UNC13A: variants seen among roughly 807,000 people sequenced by gnomAD.
UNC13A encodes the protein protein unc-13 homolog A.
Under a neutral mutation model 219.7 loss-of-function variants are expected in UNC13A, and 61 were observed. The observed-to-expected ratio is 0.28, with a 90% confidence interval of 0.23 to 0.34. The LOEUF (loss-of-function observed/expected upper bound fraction) is 0.34, where lower values mean the gene tolerates loss of function less well. UNC13A is among the 10% of genes least tolerant of loss of function. The pLI, the probability that UNC13A is intolerant of heterozygous loss-of-function variation, is 1.00. For missense variants in UNC13A, 1,476 were observed against 2,270.3 expected, an observed-to-expected ratio of 0.65 and a Z score of 7.11; for synonymous variants, 920 against 884.6, an observed-to-expected ratio of 1.04 and a Z score of -0.71.
chr19:17,651,425 CA>C (rs1802574138), intron 12 of UNC13A, among the ~76,000 whole-genome samples: 1 of 152,040 alleles, frequency 6.6e-6, no homozygotes, highest in Non-Finnish European at 1.5e-5. Context: ...GGGATTTTGC[CA>C]TGTTGGCCAG....
Position 17,663,532 on chromosome 19 carries a change from T to G in UNC13A, c.559A>C (p.Asn187His). The G allele has an allele frequency of 6.2e-7, 1 of 1,612,976 alleles. No individual in the cohort carries two copies. The highest frequency in any genetic ancestry group is 1.1e-5 in the South Asian group (1 of 90,684). ...WNYFGWGEQH[N>H]DDPDSAVDDR... Reference sequence around the variant, plus strand: ...AACATCAATCAGGCTGAGTACTTACTGTGCTGCTCACCCCAGCCAAAATAA... The same window carrying G: ...AACATCAATCAGGCTGAGTACTTACGGTGCTGCTCACCCCAGCCAAAATAA... The change falls in exon 8 of 44, where the codon AAC becomes CAC. Residue 187 changes from asparagine to histidine, a missense_variant and splice_region_variant. Physicochemically the swap from Asn to His is moderately conservative, Grantham distance 68. Transcript: ENST00000519716.
At chr19:17,659,815 G>A (rs2079520744) in intron 8 of UNC13A, among the ~76,000 whole-genome samples, 1 of 152,142 alleles carries the variant, frequency 6.6e-6, no homozygotes, top group Admixed American at 6.6e-5. Context: ...GAGAAGTACG[G>A]GTAAGGGGAA....
intron 19 of UNC13A, among the ~76,000 whole-genome samples, chr19:17,644,820 T>C (rs2077007854): frequency 6.6e-6 from 1 of 151,532 alleles, no homozygotes; most frequent in South Asian, 2.1e-4. Flanking sequence ...GCCTCCAGAG[T>C]AGGTGGGACC....
chr19:17,610,384 TG>T (rs1057114174), intron 42 of UNC13A, among the ~76,000 whole-genome samples: 16 of 152,228 alleles, frequency 1.1e-4, no homozygotes, highest in Admixed American at 9.8e-4. Context: ...GAGGATTGCT[TG>T]AGCCTGGGTG....
chr19:17,627,214 A>G lies in UNC13A; in HGVS notation c.3920+295T>C, dbSNP rs1057408730. 1.9e-4 allele frequency among the ~76,000 whole-genome samples: 29 copies of G among 152,142 alleles called. No homozygotes were observed. Among genetic ancestry groups the G allele is most frequent in the Admixed American group, 9.8e-4 (15 of 15,268 alleles). On this transcript the variant is annotated intron_variant, in intron 33 of 43. Transcript: ENST00000519716. The surrounding 1 kb of genome is among the most constrained non-coding windows in gnomAD (Gnocchi z 4.7). Reference sequence around the variant, plus strand: ...AGTAACTGCAGAACCAGGCAAAGGGATAAGACATTTGCCCGCATTGTTCAT... The same window carrying G: ...AGTAACTGCAGAACCAGGCAAAGGGGTAAGACATTTGCCCGCATTGTTCAT...
At chr19:17,653,267 G>C (rs2079384648) in intron 11 of UNC13A, among the ~76,000 whole-genome samples, 1 of 151,676 alleles carries the variant, frequency 6.6e-6, no homozygotes, top group Non-Finnish European at 1.5e-5. Context: ...TGATCTTCCT[G>C]CTTCAGCCTC....
intron 41 of UNC13A, chr19:17,616,391 G>C (rs1021787841): frequency 2.9e-6 from 2 of 691,256 alleles, no homozygotes; most frequent in East Asian, 5.5e-5. Context: ...CGGCGGGCGG[G>C]AGGCGGAGGC....
In UNC13A at chr19:17,639,084, G is replaced by T; in HGVS notation, c.3080C>A (p.Pro1027Gln). Reference protein sequence around the residue: ...ELYSREYQTDPAKKGEVLPEE... With the variant: ...ELYSREYQTDQAKKGEVLPEE... ...CTTCTGACCCATCTGGAGTCTCACCGGGTCTGTCTGGTACTCCCGGCTGTA... is the reference window on the plus strand; with the variant it reads ...CTTCTGACCCATCTGGAGTCTCACCTGGTCTGTCTGGTACTCCCGGCTGTA... The change falls in exon 25 of 44, where the codon CCG becomes CAG. Residue 1027 changes from proline (P) to glutamine (Q), a missense_variant and splice_region_variant. By Grantham distance (76) the Pro-to-Gln change is moderately conservative (BLOSUM62 -1). This residue lies in a region of UNC13A where 24 missense variants were observed against 16.0 expected (regional missense o/e 1.50). Transcript: ENST00000519716. 6.3e-7 allele frequency: 1 copy of T among 1,590,102 alleles called. No homozygotes were observed. The highest frequency in any genetic ancestry group is 2.3e-5 in the East Asian group (1 of 44,030).
intron 25 of UNC13A, among the ~76,000 whole-genome samples, chr19:17,638,432 C>T (rs1430593564): frequency 6.6e-6 from 1 of 152,116 alleles, no homozygotes; most frequent in Non-Finnish European, 1.5e-5. Flanking sequence ...TGCATCACTG[C>T]ACTCCAGCCT....
rs753479390 is a variant in UNC13A at position 17,649,515 on chromosome 19, G to A, written c.1512C>T (p.Ser504=). The change falls in exon 13 of 44, where the codon AGC becomes AGT. Residue 504 remains serine (S), a synonymous_variant. Coordinates refer to ENST00000519716, the MANE Select transcript of UNC13A (RefSeq NM_001080421.3). This position sits in a 1 kb window ranked among gnomAD's most constrained non-coding sequence, Gnocchi z 4.4. ...AAAGGGCGAGGGTGCTTACCAAGTCGCTCACGAGTGGGATAGGTTTCCTCT... is the reference window on the plus strand; with the variant it reads ...AAAGGGCGAGGGTGCTTACCAAGTCACTCACGAGTGGGATAGGTTTCCTCT... ...IRKRKPIPLV[S]DLAMSLVQSR... 46 of 1,613,796 alleles carry A rather than the reference G, an allele frequency of 2.9e-5. No individual in the cohort carries two copies. Among genetic ancestry groups the A allele is most frequent in the Middle Eastern group, 3.3e-4 (2 of 6,084 alleles).
intron 3 of UNC13A, among the ~76,000 whole-genome samples, chr19:17,673,712 A>AT: frequency 6.7e-6 from 1 of 150,288 alleles, no homozygotes. Context: ...CAAAAAAAAA[A>AT]GGAAAAAAAT....
chr19:17,606,113 C>T lies in UNC13A; in HGVS notation c.5053G>A (p.Val1685Met). ...GAGCGCGTGTCCGACTTGAGCTTCA[C>T]GAACTCCTTGGCCACCTCGTCGTTG... ...RSNDEVAKEFVKLKSDTRSAE... is the reference protein window; with the variant it reads ...RSNDEVAKEFMKLKSDTRSAE... The change falls in exon 44 of 44, where the codon GTG becomes ATG. Residue 1685 changes from valine to methionine, a missense_variant. Physicochemically the swap from Val to Met is conservative, Grantham distance 21 (BLOSUM62 1). Transcript: ENST00000519716. The T allele has an allele frequency of 1.9e-6, 3 of 1,596,826 alleles. No homozygotes were observed. Among genetic ancestry groups the T allele is most frequent in the East Asian group, 2.3e-5 (1 of 43,012 alleles).
intron 42 of UNC13A, 116 bp from the exon 43 acceptor site, chr19:17,610,215 C>T: frequency 2.1e-6 from 3 of 1,430,330 alleles, no homozygotes; most frequent in Non-Finnish European, 2.9e-6. Flanking sequence ...CTTGTAATCC[C>T]ACCACTTCGG....
Position 17,648,960 on chromosome 19 carries a change from C to G in UNC13A, c.1548G>C (p.Ala516=). ...LAMSLVQSRK[A]GITSALASST... is the part of the protein sequence containing the mutation. ...TGGAGGCCAAGGCCGAGGTGATGCC[C>G]GCTTTCCTGGACTGGACCAGGGACT... Residue 516 remains alanine (A), a synonymous_variant, in exon 15 of 44, where the codon GCG becomes GCC. Coordinates refer to ENST00000519716, the MANE Select transcript of UNC13A (RefSeq NM_001080421.3). 6.2e-7 allele frequency: 1 copy of G among 1,604,782 alleles called. No individual in the cohort carries two copies. The highest frequency in any genetic ancestry group is 8.5e-7 in the Non-Finnish European group (1 of 1,176,256).
chr19:17,639,581 A>C, intron 23 of UNC13A, 56 bp from the exon 24 acceptor site: 2 of 1,562,814 alleles, frequency 1.3e-6, no homozygotes, highest in Non-Finnish European at 1.7e-6. Flanking sequence ...GGAGGATGGG[A>C]GACTGCTTTT....
intron 11 of UNC13A, among the ~76,000 whole-genome samples, chr19:17,653,857 C>A (rs1247598455): frequency 2.3e-5 from 3 of 131,904 alleles, no homozygotes; most frequent in African/African-American, 8.7e-5. Context: ...AATGGAGTCT[C>A]GCTCTGTCAC....
intron 40 of UNC13A, 39 bp downstream of exon 40, chr19:17,618,382 C>A: frequency 6.4e-7 from 1 of 1,553,836 alleles, no homozygotes; most frequent in Non-Finnish European, 8.7e-7. Flanking sequence ...ACACCCTCTA[C>A]ATCCCCCACC....
chr19:17,615,233 C>G (rs2076650481), intron 41 of UNC13A, among the ~76,000 whole-genome samples: 2 of 152,204 alleles, frequency 1.3e-5, no homozygotes, highest in Admixed American at 1.3e-4. Flanking sequence ...CCTGTAATCC[C>G]AGCACTTTGG....
intron 25 of UNC13A, among the ~76,000 whole-genome samples, chr19:17,638,848 T>G (rs2076938281): frequency 6.6e-6 from 1 of 152,036 alleles, no homozygotes; most frequent in African/African-American, 2.4e-5. Context: ...AAAATTTTTT[T>G]TTATGCCAAA....
Sources: gnomAD v4.1 joint callset for allele counts (sites outside exome capture counted in the v4.1 genomes callset) on GRCh38, gnomAD v4.1.1 for gene constraint, gnomAD v4.1.1 regional missense constraint, Gnocchi (gnomAD v3.1) non-coding constraint, MANE v1.5 for transcripts, NCBI Gene and HGNC (gene_info 2026-07-23, HGNC 2026-07-21) for gene names.